PCSK5: variants seen among roughly 807,000 people sequenced by gnomAD.
PCSK5 encodes proprotein convertase subtilisin/kexin type 5.
A neutral mutation model predicts 233.2 loss-of-function variants in PCSK5; 129 were observed. The observed-to-expected ratio is 0.55, with a 90% CI of 0.48 to 0.64. The LOEUF (loss-of-function observed/expected upper bound fraction) is 0.64, where lower values mean the gene tolerates loss of function less well. Ranked by LOEUF, PCSK5 falls within the 30% of genes least tolerant of loss-of-function variation. The probability of loss-of-function intolerance (pLI) is 0.00; values close to 1 mark genes in which losing one functional copy is unlikely to be tolerated. For missense variants in PCSK5, 2,076 were observed against 2,430.1 expected, an observed-to-expected ratio of 0.85 and a Z score of 3.06; for synonymous variants, 825 against 879.2, an observed-to-expected ratio of 0.94 and a Z score of 1.09.
chr9:75,896,807 AT>A (rs954838891), intron 1 of PCSK5, among the ~76,000 whole-genome samples: 2 of 152,120 alleles, frequency 1.3e-5, no homozygotes, highest in African/African-American at 4.8e-5. Context: ...GTCAATTTTT[AT>A]TTTTACCAGA....
chr9:76,130,506 C>T lies in PCSK5; in HGVS notation c.1209-3603C>T, dbSNP rs139975533. Among the ~76,000 whole-genome samples, 488 of 152,206 alleles carry T rather than the reference C, an allele frequency of 3.2e-3. 5 individuals are homozygous for T. Among genetic ancestry groups the T allele is most frequent in the African/African-American group, 0.011 (463 of 41,532 alleles). On this transcript the variant is annotated intron_variant, in intron 9 of 37. Coordinates refer to ENST00000674117, the MANE Select transcript of PCSK5 (RefSeq NM_001372043.1). ...GTGTAACTCAAAGCCTCAGTTTTGT[C>T]GTCTGTGAAACAGGAATAAGAATGT...
intron 2 of PCSK5, among the ~76,000 whole-genome samples, chr9:75,935,908 T>C (rs538770684): frequency 6.6e-6 from 1 of 152,316 alleles, no homozygotes; most frequent in Non-Finnish European, 1.5e-5. Context: ...ATGGTAAATA[T>C]CGTATCTGCC....
In PCSK5 at chr9:76,174,976, A is replaced by G. The variant is rs537030184; in HGVS notation, c.1757-10A>G. The G allele has an allele frequency of 1.9e-6, 3 of 1,589,928 alleles. No homozygotes were observed. The highest frequency in any genetic ancestry group is 2.6e-6 in the Non-Finnish European group (3 of 1,167,898). On this transcript the variant is annotated splice_polypyrimidine_tract_variant and intron_variant, in intron 13 of 37. Coordinates refer to ENST00000674117, the MANE Select transcript of PCSK5 (RefSeq NM_001372043.1). Reference sequence around the variant, plus strand: ...TTGGTCATGCTGTGATTTCATTATTATTTCTCAAGGTAAATTGAAAGAATG... The same window carrying G: ...TTGGTCATGCTGTGATTTCATTATTGTTTCTCAAGGTAAATTGAAAGAATG...
chr9:76,060,498 G>C (rs1436550976), intron 5 of PCSK5, among the ~76,000 whole-genome samples: 2 of 152,114 alleles, frequency 1.3e-5, no homozygotes, highest in African/African-American at 4.8e-5. Context: ...TGCAGTCTCA[G>C]GGGTGGGAAG....
intron 3 of PCSK5, among the ~76,000 whole-genome samples, chr9:75,994,396 C>CTTTTT (rs1826907729): frequency 4.4e-5 from 3 of 68,334 alleles, no homozygotes; most frequent in Non-Finnish European, 5.9e-5. Flanking sequence ...TTCTTTCTTT[C>CTTTTT]TTTCTTTTTT....
At chr9:76,043,468 T>C (rs1393185149) in intron 5 of PCSK5, among the ~76,000 whole-genome samples, 1 of 152,164 alleles carries the variant, frequency 6.6e-6, no homozygotes, top group Non-Finnish European at 1.5e-5. Flanking sequence ...GGGGCTGTTT[T>C]CATTAACACT....
chr9:76,105,198 C>T (rs971528800), intron 8 of PCSK5, among the ~76,000 whole-genome samples: 2 of 152,172 alleles, frequency 1.3e-5, no homozygotes, highest in Admixed American at 1.3e-4. Flanking sequence ...TATACTCAGC[C>T]TTATAAAGTA....
chr9:75,990,770 AATTTTT>A (rs1826734321), intron 3 of PCSK5, among the ~76,000 whole-genome samples: 1 of 152,190 alleles, frequency 6.6e-6, no homozygotes, highest in Non-Finnish European at 1.5e-5. Context: ...ATTGGCCTGT[AATTTTT>A]GCTCACAGAT....
chr9:76,219,754 C>T (rs1825662377), intron 20 of PCSK5, among the ~76,000 whole-genome samples: 2 of 152,206 alleles, frequency 1.3e-5, no homozygotes, highest in Admixed American at 6.5e-5. Flanking sequence ...CCCTTTCTCC[C>T]GGCCCTCAGC....
At chr9:76,232,117 G>T (rs143491755) in intron 21 of PCSK5, among the ~76,000 whole-genome samples, 458 of 152,248 alleles carry the variant, frequency 3.0e-3, no homozygotes, top group Non-Finnish European at 5.4e-3. Context: ...CCACCCCCCA[G>T]TTCAGGGTTG....
At chr9:75,997,635 G>C (rs1827077560) in intron 3 of PCSK5, among the ~76,000 whole-genome samples, 1 of 152,154 alleles carries the variant, frequency 6.6e-6, no homozygotes, top group South Asian at 2.1e-4. Flanking sequence ...GGATTTGATT[G>C]CTTAATTGCA....
chr9:76,338,098 G>A (rs1224286161), intron 34 of PCSK5, 132 bp from the exon 35 acceptor site: 2 of 640,532 alleles, frequency 3.1e-6, no homozygotes, highest in African/African-American at 3.6e-5. Flanking sequence ...TATTAGCAAT[G>A]AATCTAATGA....
chr9:76,096,045 G>A lies in PCSK5; in HGVS notation c.1050G>A (p.Glu350=). 1 of 1,614,190 alleles carries A rather than the reference G, an allele frequency of 6.2e-7. No individual in the cohort carries two copies. Among genetic ancestry groups the A allele is most frequent in the South Asian group, 1.1e-5 (1 of 91,074 alleles). Residue 350 remains glutamate, a synonymous_variant, in exon 8 of 38, where the codon GAG becomes GAA. Coordinates refer to ENST00000674117, the MANE Select transcript of PCSK5 (RefSeq NM_001372043.1). ...GAAAGAAACCTTGGTACCTGGAAGA[G>A]TGTTCATCCACGCTGGCCACAACCT... is the stretch of plus-strand genomic sequence containing the variant. ...ESGKKPWYLE[E]CSSTLATTYS...
At chr9:76,036,465 C>G (rs916510094) in intron 5 of PCSK5, among the ~76,000 whole-genome samples, 1 of 152,136 alleles carries the variant, frequency 6.6e-6, no homozygotes, top group East Asian at 1.9e-4. Context: ...GACCTAGGTA[C>G]CAGCCCCAGC....
chr9:76,171,468 G>A (rs572701527), intron 13 of PCSK5, among the ~76,000 whole-genome samples: 20 of 152,260 alleles, frequency 1.3e-4, no homozygotes, highest in South Asian at 4.1e-4. Flanking sequence ...CTAACTAAAC[G>A]TGACTCTGTT....
intron 10 of PCSK5, among the ~76,000 whole-genome samples, chr9:76,150,935 A>G (rs1039156426): frequency 2.6e-5 from 4 of 151,944 alleles, no homozygotes; most frequent in African/African-American, 9.7e-5. Context: ...ACTGAAAAGT[A>G]TCACTTCCCA....
chr9:76,166,484 C>T (rs1276134042), intron 12 of PCSK5, among the ~76,000 whole-genome samples: 3 of 152,224 alleles, frequency 2.0e-5, no homozygotes, highest in Admixed American at 2.0e-4. Context: ...AGGGAAGAAA[C>T]GTAGGGTCTG....
intron 1 of PCSK5, among the ~76,000 whole-genome samples, chr9:75,921,287 TC>T (rs1479999840): frequency 2.6e-5 from 4 of 152,088 alleles, no homozygotes; most frequent in African/African-American, 9.7e-5. Flanking sequence ...TGTGCAGGGG[TC>T]AGGGGATTGG....
intron 2 of PCSK5, among the ~76,000 whole-genome samples, chr9:75,968,089 C>T (rs1216225735): frequency 1.3e-5 from 2 of 152,192 alleles, no homozygotes; most frequent in African/African-American, 4.8e-5. Context: ...AGTTAACTGC[C>T]AGCAATTAAT....
Sources: allele counts gnomAD v4.1 joint callset (sites outside exome capture counted in the v4.1 genomes callset), GRCh38; gene constraint gnomAD v4.1.1; transcripts MANE v1.5; gene names NCBI Gene and HGNC (gene_info 2026-07-23, HGNC 2026-07-21).